The following LARP1B variants were observed in gnomAD, a reference collection of about 807,000 sequenced individuals.
LARP1B encodes the protein la-related protein 1B.
In LARP1B, 76 loss-of-function variants were observed where a neutral mutation model predicts 114.2. The observed-to-expected ratio is 0.67, with a 90% confidence interval of 0.55 to 0.81. LARP1B has a LOEUF of 0.81. LARP1B is among the 30% of genes least tolerant of loss of function. The pLI is 0.00. For synonymous variants in LARP1B, 345 were observed against 348.0 expected, an observed-to-expected ratio of 0.99 and a Z score of 0.10; for missense variants, 1,014 against 1,075.8, an observed-to-expected ratio of 0.94 and a Z score of 0.80.
At chr4:128,113,433 G>C (rs1291265246) in intron 9 of LARP1B, among the ~76,000 whole-genome samples, 2 of 145,922 alleles carry the variant, frequency 1.4e-5, no homozygotes, top group East Asian at 4.1e-4. Context: ...CCTCTGCCTT[G>C]CGGATTCAAG....
intron 11 of LARP1B, among the ~76,000 whole-genome samples, chr4:128,157,220 A>G (rs980359696): frequency 6.6e-6 from 1 of 152,186 alleles, no homozygotes; most frequent in African/African-American, 2.4e-5. Context: ...TTAGAAATAC[A>G]AAATATGATA....
At chr4:128,087,338 G>A (rs1252296863) in intron 5 of LARP1B, among the ~76,000 whole-genome samples, 2 of 152,156 alleles carry the variant, frequency 1.3e-5, no homozygotes, top group Admixed American at 6.6e-5. Flanking sequence ...GATAAGTCAT[G>A]TCCTGTGAAT....
chr4:128,098,514 A>G (rs1033307980), intron 8 of LARP1B, among the ~76,000 whole-genome samples, 184 bp downstream of exon 8: 1 of 151,476 alleles, frequency 6.6e-6, no homozygotes, highest in African/African-American at 2.4e-5. Flanking sequence ...AAACCCCTGA[A>G]AGTATTGCTA....
At chr4:128,172,001 TTC>T (rs1581255510) in intron 12 of LARP1B, among the ~76,000 whole-genome samples, 2 of 152,090 alleles carry the variant, frequency 1.3e-5, no homozygotes, top group African/African-American at 4.8e-5. Flanking sequence ...CTGGATGGGA[TTC>T]TCTGTTTCTT....
chr4:128,189,553 C>T (rs74468673), intron 15 of LARP1B, among the ~76,000 whole-genome samples: 2,044 of 151,990 alleles, frequency 0.013, 42 homozygotes, highest in African/African-American at 0.045. Context: ...GGACTTACTA[C>T]GCAGTATGTC....
intron 1 of LARP1B, among the ~76,000 whole-genome samples, chr4:128,066,967 A>G (rs1335552093): frequency 1.3e-5 from 2 of 149,360 alleles, no homozygotes; most frequent in African/African-American, 4.9e-5. Flanking sequence ...TTGCCCGGCT[A>G]ATTATTTTTT....
At position 128,119,032 on chromosome 4, in the gene LARP1B, C is replaced by T. The variant is rs368524476; in HGVS notation, c.1162-2794C>T. Among the ~76,000 whole-genome samples the T allele has an allele frequency of 9.2e-5, 14 of 151,956 alleles. No homozygotes were observed. The East Asian group carries it at 2.3e-3, about 25-fold the overall frequency. ...AGTAGCTGGGATTACAGGCACCCGC[C>T]GCCATGCCCAGCTAATTTTTTTGTG... On this transcript the variant is annotated intron_variant, in intron 10 of 19. Coordinates refer to ENST00000326639, the MANE Select transcript of LARP1B (RefSeq NM_018078.4).
intron 15 of LARP1B, among the ~76,000 whole-genome samples, chr4:128,185,294 T>C (rs1749933947): frequency 6.6e-6 from 1 of 152,178 alleles, no homozygotes; most frequent in Non-Finnish European, 1.5e-5. Context: ...TTCCCACCAA[T>C]GGTGTGTGAA....
At chr4:128,068,968 G>C (rs977398315) in intron 1 of LARP1B, 1 of 627,612 alleles carries the variant, frequency 1.6e-6, no homozygotes, top group Non-Finnish European at 2.7e-6. Context: ...AGACATGATT[G>C]TCCTAAATTG....
intron 11 of LARP1B, among the ~76,000 whole-genome samples, chr4:128,135,135 AAATAAAT>A (rs1792911853): frequency 2.0e-5 from 3 of 151,374 alleles, no homozygotes; most frequent in Admixed American, 6.6e-5. Flanking sequence ...ATAAATAAAT[AAATAAAT>A]AAAAAGGATA....
At chr4:128,192,333 T>A (rs1752558043) in intron 15 of LARP1B, among the ~76,000 whole-genome samples, 1 of 152,214 alleles carries the variant, frequency 6.6e-6, no homozygotes, top group Non-Finnish European at 1.5e-5. Context: ...ATCTCTGAGA[T>A]ATGCCCATAT....
chr4:128,076,036 C>G (rs993839986), intron 3 of LARP1B, among the ~76,000 whole-genome samples: 2 of 151,610 alleles, frequency 1.3e-5, no homozygotes, highest in Admixed American at 6.6e-5. Flanking sequence ...TTTTTTGAGA[C>G]AGAGTCTTGG....
chr4:128,208,552 T>G (rs1758209797), intron 19 of LARP1B, among the ~76,000 whole-genome samples: 1 of 152,178 alleles, frequency 6.6e-6, no homozygotes. Flanking sequence ...AAGACATCCT[T>G]GCTCTATATT....
At chr4:128,077,988 G>A in intron 4 of LARP1B, 26 bp downstream of exon 4, 2 of 1,464,784 alleles carry the variant, frequency 1.4e-6, no homozygotes, top group Non-Finnish European at 1.8e-6. Context: ...TCTTTATTTT[G>A]ATTTTAGTTT....
In LARP1B at chr4:128,073,870, G is replaced by T. The variant is rs1766712938; in HGVS notation, c.-77-590G>T. On this transcript the variant is annotated intron_variant, in intron 1 of 19. Transcript: ENST00000326639. Reference sequence around the variant, plus strand: ...CTCCCGAAGTGCTGGGATTACAGGTGTGAGCCACCAGGCCCAGCCTATATT... The same window carrying T: ...CTCCCGAAGTGCTGGGATTACAGGTTTGAGCCACCAGGCCCAGCCTATATT... Among the ~76,000 whole-genome samples, 8 of 151,908 alleles carry T rather than the reference G, an allele frequency of 5.3e-5. No homozygotes were observed. The South Asian group carries it at 1.5e-3, about 28-fold the overall frequency.
At chr4:128,064,672 TACAG>T (rs935630742) in intron 1 of LARP1B, among the ~76,000 whole-genome samples, 2 of 152,204 alleles carry the variant, frequency 1.3e-5, no homozygotes, top group Non-Finnish European at 2.9e-5. Flanking sequence ...CTTCTAGACT[TACAG>T]ACAATTAAGT....
chr4:128,098,767 A>ATATATATATATT lies in LARP1B; in HGVS notation c.813+438_813+439insATATATATATTT, dbSNP rs1328165907. ...TATGTGTATATATATATATATATAT[A>ATATATATATATT]TTTTTTTTTTTTTTTTTTTTTTTTT... On this transcript the variant is annotated intron_variant, in intron 8 of 19. Transcript: ENST00000326639. Among the ~76,000 whole-genome samples, 128 of 34,954 alleles carry ATATATATATATT rather than the reference A, an allele frequency of 3.7e-3. 2 individuals carry two copies. Among genetic ancestry groups the ATATATATATATT allele is most frequent in the East Asian group, 6.4e-3 (5 of 784 alleles). The allele number at this position is 34,954 out of a possible 152,430, so 22.9% of individuals were successfully genotyped here.
intron 11 of LARP1B, chr4:128,155,562 T>C: frequency 1.2e-6 from 1 of 818,352 alleles, no homozygotes; most frequent in Non-Finnish European, 2.2e-6. Context: ...AGCTTCATTT[T>C]CTGGGGCCCA....
intron 17 of LARP1B, among the ~76,000 whole-genome samples, chr4:128,205,099 C>T (rs1029949351): frequency 2.0e-5 from 3 of 152,204 alleles, no homozygotes; most frequent in African/African-American, 7.2e-5. Context: ...TCACTTAAGG[C>T]TATGGGAGCC....
Sources: gnomAD v4.1 joint callset for allele counts (sites outside exome capture counted in the v4.1 genomes callset) on GRCh38, gnomAD v4.1.1 for gene constraint, MANE v1.5 for transcripts, NCBI Gene and HGNC (gene_info 2026-07-23, HGNC 2026-07-21) for gene names.